The following PHACTR1 variants were observed in gnomAD, a reference collection of about 807,000 sequenced individuals.
The protein encoded by PHACTR1 is RPEL repeat containing 1.
In PHACTR1, 16 loss-of-function variants were observed where a neutral mutation model predicts 69.2. The observed-to-expected ratio is 0.23, with a 90% CI of 0.16 to 0.35. The LOEUF is 0.35. Ranked by LOEUF, PHACTR1 falls within the 10% of genes least tolerant of loss-of-function variation. The pLI, the probability that PHACTR1 is intolerant of heterozygous loss-of-function variation, is 1.00. For synonymous variants in PHACTR1, 312 were observed against 284.5 expected (o/e 1.10, Z -0.97); for missense variants, 510 against 734.7 (o/e 0.69, Z 3.54).
At chr6:12,996,373 T>C (rs544377105) in intron 4 of PHACTR1, among the ~76,000 whole-genome samples, 2 of 152,086 alleles carry the variant, frequency 1.3e-5, no homozygotes, top group Non-Finnish European at 2.9e-5. Flanking sequence ...AAACAGACTA[T>C]TAGAAGGACA....
intron 4 of PHACTR1, among the ~76,000 whole-genome samples, chr6:12,942,586 G>A (rs540301892): frequency 1.8e-4 from 27 of 152,140 alleles, no homozygotes; most frequent in African/African-American, 6.3e-4. Context: ...TTGAACCCAG[G>A]AGGCGGCAGG....
intron 4 of PHACTR1, among the ~76,000 whole-genome samples, chr6:12,906,427 CT>C (rs1452000696): frequency 3.3e-5 from 5 of 152,152 alleles, no homozygotes; most frequent in African/African-American, 1.2e-4. Flanking sequence ...GAAAAGTGCT[CT>C]TGATAATAAA....
chr6:13,029,144 T>C (rs1802099365), intron 4 of PHACTR1, among the ~76,000 whole-genome samples: 1 of 152,124 alleles, frequency 6.6e-6, no homozygotes, highest in Non-Finnish European at 1.5e-5. Flanking sequence ...TATGCCTGAG[T>C]CTCACTGGTA....
At chr6:12,979,379 G>A (rs1480025346) in intron 4 of PHACTR1, among the ~76,000 whole-genome samples, 2 of 152,204 alleles carry the variant, frequency 1.3e-5, no homozygotes, top group African/African-American at 4.8e-5. Context: ...AAGGATGCAA[G>A]TCAGCCAGCA....
At chr6:13,139,174 C>T (rs377229787) in intron 5 of PHACTR1, among the ~76,000 whole-genome samples, 112 of 151,792 alleles carry the variant, frequency 7.4e-4, no homozygotes, top group African/African-American at 2.6e-3. Flanking sequence ...AAAAAAGACC[C>T]CAATTTTCAA....
chr6:13,078,844 C>CAA (rs1810940445), intron 5 of PHACTR1, among the ~76,000 whole-genome samples: 3 of 152,254 alleles, frequency 2.0e-5, no homozygotes, highest in African/African-American at 7.2e-5. Flanking sequence ...CAAGTAAAGG[C>CAA]AAAAACCTGA....
chr6:13,153,022 T>G (rs1757659661), intron 5 of PHACTR1, among the ~76,000 whole-genome samples: 2 of 152,138 alleles, frequency 1.3e-5, no homozygotes, highest in Non-Finnish European at 2.9e-5. Context: ...CGACTGGGAA[T>G]GTACTAGCTC....
intron 4 of PHACTR1, among the ~76,000 whole-genome samples, chr6:12,940,724 ACT>A (rs1237417129): frequency 3.3e-5 from 5 of 151,588 alleles, no homozygotes; most frequent in African/African-American, 4.9e-5. Context: ...ACGTTTAATG[ACT>A]CTCTGAGTGC....
At chr6:13,027,779 G>A (rs1254344468) in intron 4 of PHACTR1, among the ~76,000 whole-genome samples, 2 of 152,072 alleles carry the variant, frequency 1.3e-5, no homozygotes, top group Admixed American at 6.5e-5. Context: ...GGGTTCAAAC[G>A]ATTCTCCTTC....
Position 13,194,230 on chromosome 6 carries a change from C to A in PHACTR1, c.664+11544C>A, listed in dbSNP as rs572517253. Reference sequence around the variant, plus strand: ...CCATCCTGGCCAACATAGTGAAACCCTGTCTTTACTAAAAATACAAAAATT... The same window carrying A: ...CCATCCTGGCCAACATAGTGAAACCATGTCTTTACTAAAAATACAAAAATT... On this transcript the variant is annotated intron_variant, in intron 7 of 14. Transcript: ENST00000332995. Among the ~76,000 whole-genome samples the A allele has an allele frequency of 3.3e-5, 5 of 152,166 alleles. No individual in the cohort carries two copies. In the South Asian group the frequency reaches 1.0e-3, roughly 32 times the overall value.
At chr6:13,173,957 T>C (rs1262001202) in intron 6 of PHACTR1, among the ~76,000 whole-genome samples, 3 of 152,218 alleles carry the variant, frequency 2.0e-5, no homozygotes, top group Non-Finnish European at 2.9e-5. Flanking sequence ...TTCACCTGCC[T>C]CGGCCTCCTA....
chr6:12,962,731 A>G (rs1299932685), intron 4 of PHACTR1, among the ~76,000 whole-genome samples: 1 of 152,194 alleles, frequency 6.6e-6, no homozygotes, highest in Non-Finnish European at 1.5e-5. Flanking sequence ...TGGATTTAAC[A>G]TAGTTTTGAA....
chr6:13,077,632 G>A (rs528504344), intron 5 of PHACTR1, among the ~76,000 whole-genome samples: 2 of 152,280 alleles, frequency 1.3e-5, no homozygotes, highest in African/African-American at 4.8e-5. Flanking sequence ...AGGCTTTTGA[G>A]CAAGGAGGTG....
intron 4 of PHACTR1, among the ~76,000 whole-genome samples, chr6:12,771,742 A>G (rs1769408747): frequency 6.6e-6 from 1 of 152,208 alleles, no homozygotes; most frequent in Non-Finnish European, 1.5e-5. Context: ...TATGCTAGGG[A>G]AACCATGGAG....
At chr6:12,888,287 G>T (rs1783843729) in intron 4 of PHACTR1, among the ~76,000 whole-genome samples, 1 of 151,956 alleles carries the variant, frequency 6.6e-6, no homozygotes, top group African/African-American at 2.4e-5. Flanking sequence ...TGCCTAGCTG[G>T]TGCCATCTAT....
chr6:13,170,191 G>A (rs1007872490), intron 6 of PHACTR1, among the ~76,000 whole-genome samples: 3 of 152,144 alleles, frequency 2.0e-5, no homozygotes, highest in Admixed American at 2.0e-4. Flanking sequence ...TGCACCAAAG[G>A]TTTTTCAGGA....
chr6:13,158,278 C>G (rs1758479746), intron 5 of PHACTR1, among the ~76,000 whole-genome samples: 1 of 152,144 alleles, frequency 6.6e-6, no homozygotes, highest in African/African-American at 2.4e-5. Context: ...CTGAATAGAA[C>G]ATCTTTTTGC....
intron 4 of PHACTR1, among the ~76,000 whole-genome samples, chr6:12,776,572 CT>C (rs1185299703): frequency 1.3e-5 from 2 of 152,184 alleles, no homozygotes; most frequent in Non-Finnish European, 2.9e-5. Flanking sequence ...TCAGAAATGC[CT>C]TGTGTTGCTT....
chr6:12,873,416 G>A (rs1263511453), intron 4 of PHACTR1, among the ~76,000 whole-genome samples: 2 of 151,978 alleles, frequency 1.3e-5, no homozygotes, highest in Non-Finnish European at 2.9e-5. Context: ...CACTAGATAT[G>A]CAAACATAAA....
Sources: gnomAD v4.1 joint callset for allele counts (sites outside exome capture counted in the v4.1 genomes callset) on GRCh38, gnomAD v4.1.1 for gene constraint, MANE v1.5 for transcripts, NCBI Gene and HGNC (gene_info 2026-07-23, HGNC 2026-07-21) for gene names.